The following SLC17A1 variants were observed in gnomAD, a reference collection of about 807,000 sequenced individuals.
SLC17A1 encodes the protein sodium-dependent phosphate transport protein 1.
Under a neutral mutation model 53.5 loss-of-function variants are expected in SLC17A1, and 51 were observed. The observed-to-expected ratio is 0.95, with a 90% CI of 0.76 to 1.20. SLC17A1 has a LOEUF of 1.20. Among genes scored for constraint, SLC17A1 ranks in the 50% most tolerant of loss-of-function variants. The probability of loss-of-function intolerance (pLI) is 0.00; values close to 1 mark genes in which losing one functional copy is unlikely to be tolerated. For synonymous variants in SLC17A1, 179 were observed against 198.8 expected, an observed-to-expected ratio of 0.90 and a Z score of 0.84; for missense variants, 538 against 568.2, an observed-to-expected ratio of 0.95 and a Z score of 0.54.
At chr6:25,768,477 C>T in the SLC17A1 span, 1 of 684,508 alleles carries the variant, frequency 1.5e-6, no homozygotes, top group Non-Finnish European at 1.8e-6. Context: ...TTAAATACTT[C>T]TATGATCTAA....
the SLC17A1 span, chr6:25,726,593 A>C: frequency 6.5e-7 from 1 of 1,530,544 alleles, no homozygotes; most frequent in Non-Finnish European, 8.8e-7. Context: ...GCCTATTTAT[A>C]GTCTGACTGA....
chr6:25,809,411 C>T (rs1764071577), intron 10 of SLC17A1, among the ~76,000 whole-genome samples: 2 of 151,932 alleles, frequency 1.3e-5, no homozygotes, highest in Admixed American at 1.3e-4. Context: ...CAACTTTTAG[C>T]AACGCTTTTG....
At chr6:25,772,296 A>C in the SLC17A1 span, among the ~76,000 whole-genome samples, 1 of 152,216 alleles carries the variant, frequency 6.6e-6, no homozygotes, top group African/African-American at 2.4e-5. Context: ...AACATCCTCC[A>C]ACCCCAATGT....
chr6:25,756,764 C>A, the SLC17A1 span, among the ~76,000 whole-genome samples: 2 of 152,160 alleles, frequency 1.3e-5, no homozygotes, highest in African/African-American at 2.4e-5. Flanking sequence ...GAAAGCACAA[C>A]ATTGCATTCA....
the SLC17A1 span, chr6:25,769,083 A>G: frequency 6.2e-7 from 1 of 1,613,980 alleles, no homozygotes; most frequent in Non-Finnish European, 8.5e-7. Flanking sequence ...CATCCCAGCT[A>G]TGGTGAACAA....
At chr6:25,762,066 A>G in the SLC17A1 span, 1 of 1,608,658 alleles carries the variant, frequency 6.2e-7, no homozygotes, top group African/African-American at 1.3e-5. Context: ...AAAATCATGC[A>G]CAGTAATCTG....
the SLC17A1 span, among the ~76,000 whole-genome samples, chr6:25,752,972 A>C: frequency 1.2e-3 from 184 of 152,036 alleles, no homozygotes; most frequent in African/African-American, 4.2e-3. Flanking sequence ...AAAAAAACAA[A>C]AAAAAAACAC....
the SLC17A1 span, among the ~76,000 whole-genome samples, chr6:25,768,792 A>C: frequency 6.6e-6 from 1 of 152,174 alleles, no homozygotes; most frequent in East Asian, 1.9e-4. Flanking sequence ...GTCTCTGAGA[A>C]ATGTTTCTGA....
intron 12 of SLC17A1, among the ~76,000 whole-genome samples, chr6:25,791,044 G>C (rs934232134): frequency 3.3e-5 from 5 of 152,112 alleles, no homozygotes; most frequent in African/African-American, 1.2e-4. Context: ...TGTAAGAAAT[G>C]CATAGGAAAT....
At chr6:25,724,240 A>C in the SLC17A1 span, among the ~76,000 whole-genome samples, 8 of 152,346 alleles carry the variant, frequency 5.3e-5, no homozygotes, top group South Asian at 1.2e-3. Flanking sequence ...CCTGGCCAAC[A>C]TGGCGAAACC....
At chr6:25,747,550 C>T in the SLC17A1 span, among the ~76,000 whole-genome samples, 1 of 152,136 alleles carries the variant, frequency 6.6e-6, no homozygotes, top group African/African-American at 2.4e-5. Context: ...AGAAACCTAC[C>T]GTTATGGACT....
chr6:25,826,638 A>G lies in SLC17A1; in HGVS notation c.35-5T>C, dbSNP rs757713961. ...GAAAGGAACAGAAACCTGGAACTAC[A>G]AAGTAAAACAGAAAGTCGCAATTGC... On this transcript the variant is annotated splice_region_variant and splice_polypyrimidine_tract_variant and intron_variant, in intron 2 of 12. Transcript: ENST00000244527. 14 of 1,552,738 alleles carry G rather than the reference A, an allele frequency of 9.0e-6. No individual in the cohort carries two copies. The highest frequency in any genetic ancestry group is 1.2e-5 in the Non-Finnish European group (14 of 1,145,618).
At chr6:25,766,097 A>G in the SLC17A1 span, among the ~76,000 whole-genome samples, 3,243 of 150,988 alleles carry the variant, frequency 0.021, 71 homozygotes, top group African/African-American at 0.058. Flanking sequence ...TTACATAATC[A>G]TAATTAACTT....
At chr6:25,765,517 T>C in the SLC17A1 span, among the ~76,000 whole-genome samples, 1 of 152,194 alleles carries the variant, frequency 6.6e-6, no homozygotes, top group Non-Finnish European at 1.5e-5. Flanking sequence ...TTGAGGAATA[T>C]TTTCATCTTC....
intron 12 of SLC17A1, among the ~76,000 whole-genome samples, chr6:25,786,787 G>A (rs1441854167): frequency 3.3e-5 from 5 of 152,126 alleles, no homozygotes; most frequent in African/African-American, 1.2e-4. Context: ...GGGGTCAGAG[G>A]TGGGGTCAGC....
At chr6:25,725,557 G>A in the SLC17A1 span, among the ~76,000 whole-genome samples, 1 of 152,090 alleles carries the variant, frequency 6.6e-6, no homozygotes, top group African/African-American at 2.4e-5. Flanking sequence ...TGCTTGTAAT[G>A]CAATTTTCAC....
chr6:25,770,387 A>G, the SLC17A1 span: 1 of 1,614,072 alleles, frequency 6.2e-7, no homozygotes, highest in Non-Finnish European at 8.5e-7. Context: ...CCCCCAGGTT[A>G]TGGTATTAAC....
the SLC17A1 span, among the ~76,000 whole-genome samples, chr6:25,758,686 C>T: frequency 6.6e-6 from 1 of 151,942 alleles, no homozygotes; most frequent in Non-Finnish European, 1.5e-5. Context: ...TCTCTTTTTT[C>T]CTTGGTTAGT....
Position 25,793,792 on chromosome 6 carries a change from G to T in SLC17A1, c.*2+4991C>A, listed in dbSNP as rs140397473. ...AAAATTTAACATTTCCTTCCATTATGAATGTAGGTAATACATCATAGCAGT... is the reference window on the plus strand; with the variant it reads ...AAAATTTAACATTTCCTTCCATTATTAATGTAGGTAATACATCATAGCAGT... On this transcript the variant is annotated intron_variant, in intron 12 of 12. Coordinates refer to ENST00000244527, the MANE Select transcript of SLC17A1 (RefSeq NM_005074.5). Among the ~76,000 whole-genome samples the T allele has an allele frequency of 4.5e-4, 68 of 152,204 alleles. No individual in the cohort carries two copies. In the East Asian group the frequency reaches 0.012, roughly 27 times the overall value.
Sources: allele counts gnomAD v4.1 joint callset (sites outside exome capture counted in the v4.1 genomes callset), GRCh38; gene constraint gnomAD v4.1.1; transcripts MANE v1.5; gene names NCBI Gene and HGNC (gene_info 2026-07-23, HGNC 2026-07-21).